KPNA1: variants seen among roughly 807,000 people sequenced by gnomAD.
KPNA1 encodes karyopherin subunit alpha 1.
In KPNA1, 10 loss-of-function variants were observed where a neutral mutation model predicts 70.5. That is an observed-to-expected ratio of 0.14 (90% CI 0.09 to 0.24). KPNA1 has a LOEUF of 0.24. Among genes scored for constraint, KPNA1 ranks in the 10% least tolerant of loss-of-function variants. The probability of loss-of-function intolerance (pLI) is 1.00; values close to 1 mark genes in which losing one functional copy is unlikely to be tolerated. For synonymous variants in KPNA1, 192 were observed against 221.9 expected (o/e 0.87, Z 1.20); for missense variants, 397 against 637.9 (o/e 0.62, Z 4.07).
At position 122,426,736 on chromosome 3, in the gene KPNA1, C is replaced by A; in HGVS notation, c.*249G>T. ...CTAATGTAAGTGCGGATCTCCAAAG[C>A]CTAGGGATTTTTCCGTAAAAGAGAG... On this transcript the variant is annotated 3_prime_UTR_variant, in exon 14 of 14. Coordinates refer to ENST00000344337, the MANE Select transcript of KPNA1 (RefSeq NM_002264.4). 2.6e-6 allele frequency: 1 copy of A among 391,474 alleles called. No individual in the cohort carries two copies. The highest frequency in any genetic ancestry group is 4.6e-6 in the Non-Finnish European group (1 of 218,676). The allele number at this position is 391,474 out of a possible 1,614,324, so 24.3% of individuals were successfully genotyped here. A position where few individuals can be genotyped will look rare whatever the true frequency, so the allele number is the denominator to read the frequency against.
At chr3:122,514,635 C>A (rs1457146359) in intron 1 of KPNA1, 122 bp downstream of exon 1, 1 of 152,158 alleles carries the variant, frequency 6.6e-6, no homozygotes, top group Admixed American at 6.5e-5. Flanking sequence ...GCCCAGGAAC[C>A]CCGGCTCTAG....
chr3:122,475,037 C>T (rs920028299), intron 2 of KPNA1, among the ~76,000 whole-genome samples: 4 of 152,080 alleles, frequency 2.6e-5, no homozygotes, highest in African/African-American at 9.7e-5. Context: ...AAATAAAAGG[C>T]ATCTAAATTA....
chr3:122,508,419 T>C (rs2076915439), intron 1 of KPNA1, among the ~76,000 whole-genome samples: 1 of 152,182 alleles, frequency 6.6e-6, no homozygotes, highest in Non-Finnish European at 1.5e-5. Context: ...GTTGAAAGTC[T>C]ACAAAACAGC....
intron 3 of KPNA1, among the ~76,000 whole-genome samples, chr3:122,465,533 C>A (rs1167468363): frequency 6.6e-6 from 1 of 152,226 alleles, no homozygotes; most frequent in African/African-American, 2.4e-5. Context: ...TTTCACACCA[C>A]TGTAAAGTTG....
intron 5 of KPNA1, chr3:122,459,790 G>GT: frequency 5.1e-6 from 5 of 985,330 alleles, no homozygotes; most frequent in Non-Finnish European, 4.8e-6. Context: ...TGGATTTCTT[G>GT]TTTTTCCTCT....
At chr3:122,510,429 C>G (rs2076942363) in intron 1 of KPNA1, among the ~76,000 whole-genome samples, 3 of 152,004 alleles carry the variant, frequency 2.0e-5, no homozygotes, top group Admixed American at 1.3e-4. Context: ...ATGAAGCAAA[C>G]AACAACAAAA....
At chr3:122,448,257 C>T (rs1005422185) in intron 9 of KPNA1, among the ~76,000 whole-genome samples, 6 of 151,998 alleles carry the variant, frequency 3.9e-5, no homozygotes, top group Admixed American at 2.6e-4. Context: ...GGGTATATAC[C>T]CAGAGGATTA....
chr3:122,472,459 T>C (rs151281678), intron 2 of KPNA1, among the ~76,000 whole-genome samples: 15 of 152,292 alleles, frequency 9.8e-5, no homozygotes, highest in East Asian at 7.7e-4. Context: ...GGGAAATTCA[T>C]AGCATTGAAT....
At chr3:122,477,603 G>A (rs563753906) in intron 2 of KPNA1, among the ~76,000 whole-genome samples, 2 of 152,150 alleles carry the variant, frequency 1.3e-5, no homozygotes, top group African/African-American at 4.8e-5. Context: ...AAAAGGCTAA[G>A]GTGGGAGCTC....
intron 2 of KPNA1, among the ~76,000 whole-genome samples, chr3:122,469,481 T>G (rs748292429): frequency 6.6e-6 from 1 of 152,218 alleles, no homozygotes; most frequent in South Asian, 2.1e-4. Flanking sequence ...CGCAGACATA[T>G]AGCTTAAAAG....
intron 9 of KPNA1, among the ~76,000 whole-genome samples, chr3:122,447,566 A>AT (rs556269633): frequency 2.2e-3 from 340 of 152,370 alleles, no homozygotes; most frequent in African/African-American, 7.4e-3. Flanking sequence ...AGCCAATATC[A>AT]TACTGAATGG....
intron 11 of KPNA1, among the ~76,000 whole-genome samples, chr3:122,435,653 G>A (rs2075975091): frequency 6.6e-6 from 1 of 152,112 alleles, no homozygotes; most frequent in African/African-American, 2.4e-5. Context: ...ACATTTATTA[G>A]TTCCCCCAAA....
chr3:122,494,474 C>G (rs1387093795), intron 2 of KPNA1, among the ~76,000 whole-genome samples: 3 of 152,136 alleles, frequency 2.0e-5, no homozygotes, highest in Non-Finnish European at 4.4e-5. Context: ...ACTCTCTATT[C>G]CATTCCATTG....
chr3:122,489,248 T>A (rs2076668152), intron 2 of KPNA1, among the ~76,000 whole-genome samples: 1 of 151,908 alleles, frequency 6.6e-6, no homozygotes, highest in Non-Finnish European at 1.5e-5. Context: ...TCTCCAGGAG[T>A]TCAAATTGAG....
chr3:122,444,862 ACAAAAAGGACACCCACAC>A (rs1213336325), intron 9 of KPNA1, among the ~76,000 whole-genome samples: 2 of 152,228 alleles, frequency 1.3e-5, no homozygotes, highest in Non-Finnish European at 2.9e-5. Context: ...ATCAACATCA[ACAAAAAGGACACCCACAC>A]CAAAACCTCA....
intron 2 of KPNA1, among the ~76,000 whole-genome samples, chr3:122,494,998 T>C (rs1480290824): frequency 6.6e-6 from 1 of 152,036 alleles, no homozygotes; most frequent in Non-Finnish European, 1.5e-5. Context: ...ATTCCTGTAA[T>C]CCCAGCACTT....
In KPNA1 at chr3:122,424,215, A is replaced by G. The variant is rs1161237930; in HGVS notation, c.*2770T>C. 6.6e-6 allele frequency: 1 copy of G among 152,240 alleles called. No homozygotes were observed. Among genetic ancestry groups the G allele is most frequent in the African/African-American group, 2.4e-5 (1 of 41,464 alleles). 9.4% of individuals were successfully genotyped at this position (152,240 alleles called of 1,614,324 possible). On this transcript the variant is annotated 3_prime_UTR_variant, in exon 14 of 14. Transcript: ENST00000344337. ...AAGTCACTTTCCCCAATCCATATATAAAACTACAAAAGAGTTTTCCTGTAT... is the reference window on the plus strand; with the variant it reads ...AAGTCACTTTCCCCAATCCATATATGAAACTACAAAAGAGTTTTCCTGTAT...
At chr3:122,459,679 C>A in intron 5 of KPNA1, 1 of 985,446 alleles carries the variant, frequency 1.0e-6, no homozygotes, top group Non-Finnish European at 1.2e-6. Flanking sequence ...ATCCAGGAGG[C>A]AGCTAGCAAA....
chr3:122,467,463 T>C (rs1400509131), intron 2 of KPNA1, 34 bp from the exon 3 acceptor site: 2 of 1,380,108 alleles, frequency 1.4e-6, no homozygotes, highest in East Asian at 4.6e-5. Flanking sequence ...AATGTAAATG[T>C]AAATTCTAAC....
Sources: gnomAD v4.1 joint callset for allele counts (sites outside exome capture counted in the v4.1 genomes callset) on GRCh38, gnomAD v4.1.1 for gene constraint, MANE v1.5 for transcripts, NCBI Gene and HGNC (gene_info 2026-07-23, HGNC 2026-07-21) for gene names.